FGF8: variants seen among roughly 807,000 people sequenced by gnomAD.
FGF8 encodes the protein androgen-induced growth factor.
In FGF8, 12 loss-of-function variants were observed where a neutral mutation model predicts 29.7. That is an observed-to-expected ratio of 0.40 (90% CI 0.26 to 0.65). The LOEUF (loss-of-function observed/expected upper bound fraction) is 0.65. Ranked by LOEUF, FGF8 falls within the 30% of genes least tolerant of loss-of-function variation. The pLI is 0.37. For synonymous variants in FGF8, 157 were observed against 144.4 expected, an observed-to-expected ratio of 1.09 and a Z score of -0.63; for missense variants, 271 against 345.1, an observed-to-expected ratio of 0.79 and a Z score of 1.70.
In FGF8 at chr10:101,770,359, G is replaced by T; in HGVS notation, c.705C>A (p.Ser235Arg). Residue 235 changes from serine to arginine, a missense_variant, in exon 6 of 6, where the codon AGC becomes AGA. Physicochemically the swap from Ser to Arg is moderately radical, Grantham distance 110. Transcript: ENST00000320185. ...YPPFTRSLRG[S>R]QRTWAPEPR ...GGGGCTCGGGGGCCCAAGTCCTCTG[G>T]CTGCCGCGCAGGCTGCGCGTGAAGG... 6.3e-7 allele frequency: 1 copy of T among 1,599,008 alleles called. No homozygotes were observed. The highest frequency in any genetic ancestry group is 8.5e-7 in the Non-Finnish European group (1 of 1,174,488).
intron 4 of FGF8, among the ~76,000 whole-genome samples, chr10:101,773,180 T>G (rs1181386730): frequency 6.6e-6 from 1 of 152,180 alleles, no homozygotes; most frequent in Non-Finnish European, 1.5e-5. Context: ...GGGAAACCTC[T>G]TATATGGCCA....
At chr10:101,779,323 G>C (rs2065124077), upstream of FGF8, among the ~76,000 whole-genome samples, 1 of 152,170 alleles carries the variant, frequency 6.6e-6, no homozygotes, top group Non-Finnish European at 1.5e-5. This position sits in a 1 kb window ranked among gnomAD's most constrained non-coding sequence, Gnocchi z 5.7. Context: ...CGTCTCCCTC[G>C]GCCCCCAAAT....
At position 101,772,585 on chromosome 10, in the gene FGF8, C is replaced by T. The variant is rs2065039967; in HGVS notation, c.338-1016G>A. 2.6e-5 allele frequency among the ~76,000 whole-genome samples: 4 copies of T among 152,340 alleles called. No individual in the cohort carries two copies. Among genetic ancestry groups the T allele is most frequent in the Admixed American group, 1.3e-4 (2 of 15,310 alleles). On this transcript the variant is annotated intron_variant, in intron 4 of 5. Transcript: ENST00000320185. The surrounding 1 kb of genome is among the most constrained non-coding windows in gnomAD (Gnocchi z 4.4). ...TCACTGTTTAGGAAGGGACAGAAGG[C>T]GCTGGCTCTCCTGCCGTCCCTGCCG...
In FGF8 at chr10:101,771,469, G is replaced by C. The variant is rs767919104; in HGVS notation, c.438C>G (p.Ile146Met). ...YICMNKKGKL[I>M]AKSNGKGKDC... ...CTGCCTGCTGGGGCCTCACCTTGGC[G>C]ATCAGCTTCCCCTTCTTGTTCATGC... Residue 146 changes from isoleucine (I) to methionine (M), a missense_variant, in exon 5 of 6, where the codon ATC (isoleucine) becomes ATG (methionine). Ile to Met is a conservative substitution (Grantham distance 10). This residue lies in a region of FGF8 where 168 missense variants were observed against 207.0 expected (regional missense o/e 0.81). Transcript: ENST00000320185. This position sits in a 1 kb window ranked among gnomAD's most constrained non-coding sequence, Gnocchi z 5.3. 1 of 1,613,778 alleles carries C rather than the reference G, an allele frequency of 6.2e-7. No individual in the cohort carries two copies. Among genetic ancestry groups the C allele is most frequent in the South Asian group, 1.1e-5 (1 of 91,078 alleles).
At chr10:101,770,684 C>T in intron 5 of FGF8, 65 bp from the exon 6 acceptor site, 2 of 1,571,470 alleles carry the variant, frequency 1.3e-6, no homozygotes, top group East Asian at 2.2e-5. Context: ...GGGCGAGCGG[C>T]CCCAGACAGC....
intron 4 of FGF8, among the ~76,000 whole-genome samples, chr10:101,774,486 AG>A (rs1458362813): frequency 6.6e-6 from 1 of 152,160 alleles, no homozygotes; most frequent in East Asian, 1.9e-4. Flanking sequence ...GAGTGTATGA[AG>A]GGGGGAGGTG....
At chr10:101,770,674 G>A in intron 5 of FGF8, 55 bp from the exon 6 acceptor site, 3 of 1,591,480 alleles carry the variant, frequency 1.9e-6, no homozygotes, top group Non-Finnish European at 2.6e-6. Context: ...CAGAGGCAGA[G>A]GGCGAGCGGC....
In FGF8 at chr10:101,771,663, C is replaced by T; in HGVS notation, c.338-94G>A. ...AGCCCAGCAGCAACTGCTCCAAAGA[C>T]CAGGAACCCAAAACATGGACTCCAG... On this transcript the variant is annotated intron_variant, in intron 4 of 5. Transcript: ENST00000320185. This position sits in a 1 kb window ranked among gnomAD's most constrained non-coding sequence, Gnocchi z 5.3. 1 of 947,368 alleles carries T rather than the reference C, an allele frequency of 1.1e-6. No individual in the cohort carries two copies. Among genetic ancestry groups the T allele is most frequent in the Non-Finnish European group, 1.7e-6 (1 of 591,236 alleles). The allele number at this position is 947,368 out of a possible 1,614,324, so 58.7% of individuals were successfully genotyped here.
At position 101,771,201 on chromosome 10, in the gene FGF8, A is replaced by C. The variant is rs1007630292; in HGVS notation, c.444+262T>G. On this transcript the variant is annotated intron_variant, in intron 5 of 5. Transcript: ENST00000320185. This position sits in a 1 kb window ranked among gnomAD's most constrained non-coding sequence, Gnocchi z 5.3. Reference sequence around the variant, plus strand: ...AAAGCAATTTGGCGATTTGTTAAAAAGATATATGGAATTTACCAACCACCA... The same window carrying C: ...AAAGCAATTTGGCGATTTGTTAAAACGATATATGGAATTTACCAACCACCA... Among the ~76,000 whole-genome samples, 4 of 152,212 alleles carry C rather than the reference A, an allele frequency of 2.6e-5. No homozygotes were observed. The highest frequency in any genetic ancestry group is 9.6e-5 in the African/African-American group (4 of 41,452).
chr10:101,774,591 T>C, intron 4 of FGF8, 141 bp downstream of exon 4: 1 of 700,290 alleles, frequency 1.4e-6, no homozygotes, highest in Non-Finnish European at 2.4e-6. Context: ...AGCCCTCTCT[T>C]CCCCAGCTGA....
rs956945165 is a variant in FGF8, at chr10:101,771,338, A to C, written c.444+125T>G. On this transcript the variant is annotated intron_variant, in intron 5 of 5. Coordinates refer to ENST00000320185, the MANE Select transcript of FGF8 (RefSeq NM_033163.5). The surrounding 1 kb of genome is among the most constrained non-coding windows in gnomAD (Gnocchi z 5.3). ...CTGCACCCAATCGTGAGGTAACCCC[A>C]AGATGGCCCTGTGGCCTTCTGCCTA... 1.3e-6 allele frequency: 1 copy of C among 743,010 alleles called. No homozygotes were observed. The highest frequency in any genetic ancestry group is 2.6e-5 in the East Asian group (1 of 38,952). The allele number at this position is 743,010 out of a possible 1,614,324, so 46.0% of individuals were successfully genotyped here.
At position 101,770,595 on chromosome 10, in the gene FGF8, C is replaced by T. The variant is rs139565972; in HGVS notation, c.469G>A (p.Val157Ile). The T allele has an allele frequency of 5.5e-5, 89 of 1,611,612 alleles. No homozygotes were observed. The highest frequency in any genetic ancestry group is 1.6e-4 in the Middle Eastern group (1 of 6,084). ...TTCTCCAGCACAATCTCCGTGAAGA[C>T]GCAGTCCTTGCCTTTGCCGTTGCTC... Reference protein sequence around the residue: ...AKSNGKGKDCVFTEIVLENNY... With the variant: ...AKSNGKGKDCIFTEIVLENNY... Residue 157 changes from valine to isoleucine, a missense_variant, in exon 6 of 6, where the codon GTC becomes ATC. Transcript: ENST00000320185.
In FGF8 at chr10:101,775,732, C is replaced by T. The variant is rs1327679105; in HGVS notation, c.69+8G>A. The T allele has an allele frequency of 6.5e-7, 1 of 1,545,098 alleles. No individual in the cohort carries two copies. Among genetic ancestry groups the T allele is most frequent in the Non-Finnish European group, 8.7e-7 (1 of 1,145,844 alleles). ...GCCCGGCCCCCGCCTCCGCGCACCC[C>T]TCCTCACCTGGGCTTGGAGGCAGAG... On this transcript the variant is annotated splice_region_variant and intron_variant, in intron 2 of 5. Coordinates refer to ENST00000320185, the MANE Select transcript of FGF8 (RefSeq NM_033163.5). This position sits in a 1 kb window ranked among gnomAD's most constrained non-coding sequence, Gnocchi z 4.6.
rs369110952 is a variant in FGF8 at position 101,774,733 on chromosome 10, G to C, written c.336C>G (p.Phe112Leu). The C allele has an allele frequency of 6.2e-7, 1 of 1,603,442 alleles. No homozygotes were observed. The highest frequency in any genetic ancestry group is 1.7e-5 in the Admixed American group (1 of 60,024). Residue 112 changes from phenylalanine (F) to leucine (L), a missense_variant and splice_region_variant, in exon 4 of 6, where the codon TTC becomes TTG. Phe to Leu is a conservative substitution (Grantham distance 22). This residue lies in a region of FGF8 where 168 missense variants were observed against 207.0 expected (regional missense o/e 0.81). Coordinates refer to ENST00000320185, the MANE Select transcript of FGF8 (RefSeq NM_033163.5). ...INAMAEDGDP[F>L]AKLIVETDTF... ...CAAGCTACCTTCAGCGCGCCTTACCGAAGGGGTCGCCGTCCTCTGCCATGG... is the reference window on the plus strand; with the variant it reads ...CAAGCTACCTTCAGCGCGCCTTACCCAAGGGGTCGCCGTCCTCTGCCATGG...
Position 101,772,587 on chromosome 10 carries a change from C to G in FGF8, c.338-1018G>C, listed in dbSNP as rs2134994493. Among the ~76,000 whole-genome samples the G allele has an allele frequency of 6.6e-6, 1 of 152,362 alleles. No homozygotes were observed. The highest frequency in any genetic ancestry group is 6.5e-5 in the Admixed American group (1 of 15,310). ...ACTGTTTAGGAAGGGACAGAAGGCGCTGGCTCTCCTGCCGTCCCTGCCGCA... is the reference window on the plus strand; with the variant it reads ...ACTGTTTAGGAAGGGACAGAAGGCGGTGGCTCTCCTGCCGTCCCTGCCGCA... On this transcript the variant is annotated intron_variant, in intron 4 of 5. Transcript: ENST00000320185. This position sits in a 1 kb window ranked among gnomAD's most constrained non-coding sequence, Gnocchi z 4.4.
In FGF8 at chr10:101,776,023, A is replaced by T. The variant is rs879555604; in HGVS notation, c.-123T>A. The T allele has an allele frequency of 7.8e-5, 35 of 449,070 alleles. No homozygotes were observed. The highest frequency in any genetic ancestry group is 1.0e-4 in the Non-Finnish European group (32 of 316,026). The allele number at this position is 449,070 out of a possible 1,614,324, so 27.8% of individuals were successfully genotyped here. A position where few individuals can be genotyped will look rare whatever the true frequency, so the allele number is the denominator to read the frequency against. On this transcript the variant is annotated 5_prime_UTR_variant, in exon 1 of 6. Transcript: ENST00000320185. Reference sequence around the variant, plus strand: ...CGGGTGCGGGAGGCCGGCGGCGATCACGACGCGGCTCCGCGGGTCCCGTGG... The same window carrying T: ...CGGGTGCGGGAGGCCGGCGGCGATCTCGACGCGGCTCCGCGGGTCCCGTGG...
rs766362194 is a variant in FGF8 at position 101,770,441 on chromosome 10, G to A, written c.623C>T (p.Pro208Leu). The change falls in exon 6 of 6, where the codon CCC becomes CTC. Residue 208 changes from proline to leucine, a missense_variant. By Grantham distance (98) the Pro-to-Leu change is moderately conservative (BLOSUM62 -3). Transcript: ENST00000320185. ...QREVHFMKRL[P>L]RGHHTTEQSL... The stretch of plus-strand genomic sequence containing the variant: ...CTGCTCGGTGGTGTGGTGGCCCCGG[G>A]GCAGCCGCTTCATGAAGTGGACCTC... 3 of 1,610,120 alleles carry A rather than the reference G, an allele frequency of 1.9e-6. No individual in the cohort carries two copies. Among genetic ancestry groups the A allele is most frequent in the Admixed American group, 1.7e-5 (1 of 59,232 alleles).
chr10:101,770,759 C>T, intron 5 of FGF8, 140 bp from the exon 6 acceptor site: 2 of 887,336 alleles, frequency 2.3e-6, no homozygotes, highest in Non-Finnish European at 3.6e-6. Flanking sequence ...GCCTGGGCAC[C>T]CGCTCTCTAA....
chr10:101,776,201 C>T (rs2065090946), upstream of FGF8: 1 of 100,096 alleles, frequency 1.0e-5, no homozygotes, highest in Non-Finnish European at 2.1e-5. Flanking sequence ...GGGCGGGGGG[C>T]GCCGCACCGG....
Sources: gnomAD v4.1 joint callset for allele counts (sites outside exome capture counted in the v4.1 genomes callset) on GRCh38, gnomAD v4.1.1 for gene constraint, gnomAD v4.1.1 regional missense constraint, Gnocchi (gnomAD v3.1) non-coding constraint, MANE v1.5 for transcripts, NCBI Gene and HGNC (gene_info 2026-07-23, HGNC 2026-07-21) for gene names.